EIF4EBP2: variants seen among roughly 807,000 people sequenced by gnomAD.
EIF4EBP2 encodes the protein eukaryotic translation initiation factor 4E-binding protein 2.
In EIF4EBP2, 5 loss-of-function variants were observed where a neutral mutation model predicts 10.3. That is an observed-to-expected ratio of 0.48 (90% confidence interval 0.25 to 1.02). The LOEUF (loss-of-function observed/expected upper bound fraction) is 1.02, where lower values mean the gene tolerates loss of function less well. Ranked by LOEUF, EIF4EBP2 falls within the 50% of genes least tolerant of loss-of-function variation. The probability of loss-of-function intolerance (pLI) is 0.15; values close to 1 mark genes in which losing one functional copy is unlikely to be tolerated. For missense variants in EIF4EBP2, 188 were observed against 162.2 expected, an observed-to-expected ratio of 1.16 and a Z score of -0.86; for synonymous variants, 67 against 61.1, an observed-to-expected ratio of 1.10 and a Z score of -0.45.
intron 1 of EIF4EBP2, among the ~76,000 whole-genome samples, chr10:70,408,472 C>T (rs1054386098): frequency 2.2e-4 from 33 of 152,186 alleles, no homozygotes; most frequent in African/African-American, 7.5e-4. Context: ...GACATGGTGC[C>T]GTTGCAGTTG....
intron 1 of EIF4EBP2, among the ~76,000 whole-genome samples, chr10:70,418,433 G>T (rs920242374): frequency 2.6e-5 from 4 of 152,178 alleles, no homozygotes; most frequent in African/African-American, 9.7e-5. Flanking sequence ...AGGGCACTGT[G>T]GGGGAGGGGT....
At chr10:70,411,924 GGTAA>G (rs914534414) in intron 1 of EIF4EBP2, among the ~76,000 whole-genome samples, 1 of 152,002 alleles carries the variant, frequency 6.6e-6, no homozygotes, top group African/African-American at 2.4e-5. Flanking sequence ...ACTAAATTTT[GGTAA>G]ATATTGAATG....
At chr10:70,411,389 T>A (rs572820843) in intron 1 of EIF4EBP2, among the ~76,000 whole-genome samples, 2 of 152,296 alleles carry the variant, frequency 1.3e-5, no homozygotes, top group South Asian at 4.1e-4. Flanking sequence ...ATTTTGCTTT[T>A]TTTTTTTATT....
intron 1 of EIF4EBP2, 152 bp downstream of exon 1, chr10:70,404,698 C>T (rs1236625219): frequency 1.9e-6 from 2 of 1,064,492 alleles, no homozygotes; most frequent in East Asian, 3.2e-5. Flanking sequence ...GTTCGGGACC[C>T]TTTACTTCGT....
chr10:70,413,569 C>G (rs1845064483), intron 1 of EIF4EBP2, among the ~76,000 whole-genome samples: 1 of 143,464 alleles, frequency 7.0e-6, no homozygotes, highest in African/African-American at 2.6e-5. Flanking sequence ...GATCATGCCA[C>G]TGCACTCAAG....
chr10:70,414,047 A>G (rs1845069057), intron 1 of EIF4EBP2, among the ~76,000 whole-genome samples: 1 of 152,234 alleles, frequency 6.6e-6, no homozygotes, highest in African/African-American at 2.4e-5. Context: ...GCTTCAGAAA[A>G]TGTACATCTG....
chr10:70,408,011 G>C (rs1844997531), intron 1 of EIF4EBP2, among the ~76,000 whole-genome samples: 1 of 95,380 alleles, frequency 1.0e-5, no homozygotes, highest in African/African-American at 4.2e-5. Flanking sequence ...TCCCGGACGG[G>C]GCGGCTGGCC....
Position 70,407,662 on chromosome 10 carries a change from A to C in EIF4EBP2, c.145+3116A>C, listed in dbSNP as rs1844987788. ...CCCAGATGGGGTGGTGGCCGGGCAG[A>C]GGGGCTCCTCACTTCCCAGTAGGAG... On this transcript the variant is annotated intron_variant, in intron 1 of 2. Transcript: ENST00000373218. Among the ~76,000 whole-genome samples the C allele has an allele frequency of 2.0e-5, 3 of 150,378 alleles. No individual in the cohort carries two copies. In the South Asian group the frequency reaches 6.3e-4, roughly 32 times the overall value.
intron 1 of EIF4EBP2, among the ~76,000 whole-genome samples, chr10:70,410,095 G>A (rs765011572): frequency 6.6e-6 from 1 of 152,070 alleles, no homozygotes; most frequent in Non-Finnish European, 1.5e-5. Flanking sequence ...TTGAGACAGA[G>A]TTTCACTCTT....
At chr10:70,412,196 GC>G (rs1845052976) in intron 1 of EIF4EBP2, among the ~76,000 whole-genome samples, 1 of 152,126 alleles carries the variant, frequency 6.6e-6, no homozygotes, top group African/African-American at 2.4e-5. Flanking sequence ...CAGGAGGAAA[GC>G]CCTGTTTGAC....
chr10:70,413,229 T>A (rs776371382), intron 1 of EIF4EBP2, among the ~76,000 whole-genome samples: 1 of 152,180 alleles, frequency 6.6e-6, no homozygotes, highest in Non-Finnish European at 1.5e-5. Flanking sequence ...AAATAATATG[T>A]GTCTCAACCT....
At position 70,422,938 on chromosome 10, in the gene EIF4EBP2, C is replaced by G. The variant is rs948913726; in HGVS notation, c.*1191C>G. ...AATGTGTTCCTCCCAGTTTTCTTGCCTTTCCTGTTGTACTCTGAATTTCTC... is the reference window on the plus strand; with the variant it reads ...AATGTGTTCCTCCCAGTTTTCTTGCGTTTCCTGTTGTACTCTGAATTTCTC... On this transcript the variant is annotated 3_prime_UTR_variant, in exon 3 of 3. Transcript: ENST00000373218. The G allele has an allele frequency of 6.6e-6, 1 of 152,118 alleles. No individual in the cohort carries two copies. Among genetic ancestry groups the G allele is most frequent in the East Asian group, 1.9e-4 (1 of 5,188 alleles). The allele number at this position is 152,118 out of a possible 1,614,324, so 9.4% of individuals were successfully genotyped here. A position where few individuals can be genotyped will look rare whatever the true frequency, so the allele number is the denominator to read the frequency against.
At chr10:70,418,533 G>A (rs567987444) in intron 1 of EIF4EBP2, among the ~76,000 whole-genome samples, 2 of 152,188 alleles carry the variant, frequency 1.3e-5, no homozygotes, top group African/African-American at 4.8e-5. Flanking sequence ...GACTTCTTAG[G>A]TCACAACATA....
At position 70,424,173 on chromosome 10, in the gene EIF4EBP2, C is replaced by A. The variant is rs762558462; in HGVS notation, c.*2426C>A. On this transcript the variant is annotated 3_prime_UTR_variant, in exon 3 of 3. Coordinates refer to ENST00000373218, the MANE Select transcript of EIF4EBP2 (RefSeq NM_004096.5). ...TGAACGGTGAGGAATGGATTTAAAG[C>A]ATGAGCTTTAGTAGTATCAAGATGC... The A allele has an allele frequency of 6.6e-6, 1 of 152,160 alleles. No homozygotes were observed. The highest frequency in any genetic ancestry group is 1.5e-5 in the Non-Finnish European group (1 of 68,022). The allele number at this position is 152,160 out of a possible 1,614,324, so 9.4% of individuals were successfully genotyped here.
chr10:70,412,319 C>A (rs1589146711), intron 1 of EIF4EBP2, among the ~76,000 whole-genome samples: 1 of 130,688 alleles, frequency 7.7e-6, no homozygotes, highest in East Asian at 2.4e-4. Flanking sequence ...TCCAGGCTGT[C>A]TATTTGCGTG....
intron 1 of EIF4EBP2, among the ~76,000 whole-genome samples, chr10:70,406,889 A>ATTTG (rs1322526942): frequency 6.6e-6 from 1 of 152,026 alleles, no homozygotes; most frequent in Non-Finnish European, 1.5e-5. Flanking sequence ...CTTTGGATTT[A>ATTTG]TTTGTTTATT....
intron 1 of EIF4EBP2, among the ~76,000 whole-genome samples, chr10:70,407,861 C>T (rs1440645841): frequency 5.9e-5 from 8 of 136,704 alleles, no homozygotes; most frequent in Non-Finnish European, 1.3e-4. Context: ...GGGGGGCTGA[C>T]CCCCCACCTC....
chr10:70,416,898 G>A (rs778054773), intron 1 of EIF4EBP2, among the ~76,000 whole-genome samples: 2 of 152,006 alleles, frequency 1.3e-5, no homozygotes, highest in Non-Finnish European at 2.9e-5. Flanking sequence ...AACTTGTGAG[G>A]TCAAGTAATA....
Position 70,414,379 on chromosome 10 carries a change from T to C in EIF4EBP2, c.146-5535T>C, listed in dbSNP as rs188861829. Among the ~76,000 whole-genome samples, 7 of 152,332 alleles carry C rather than the reference T, an allele frequency of 4.6e-5. No homozygotes were observed. In the East Asian group the frequency reaches 1.2e-3, roughly 25 times the overall value. On this transcript the variant is annotated intron_variant, in intron 1 of 2. Transcript: ENST00000373218. ...TCAAAAACTTATAAATACTATACTT[T>C]CATAGTCATATTTTTCCTGGCTATA...
Sources: allele counts gnomAD v4.1 joint callset (sites outside exome capture counted in the v4.1 genomes callset), GRCh38; gene constraint gnomAD v4.1.1; transcripts MANE v1.5; gene names NCBI Gene and HGNC (gene_info 2026-07-23, HGNC 2026-07-21).